TAFA4: variants seen among roughly 807,000 people sequenced by gnomAD.
TAFA4 encodes TAFA chemokine like family member 4.
In TAFA4, 20 loss-of-function variants were observed where a neutral mutation model predicts 21.1. That is an observed-to-expected ratio of 0.95 (90% CI 0.67 to 1.38). The LOEUF is 1.38. Among genes scored for constraint, TAFA4 ranks in the 40% most tolerant of loss-of-function variants. The pLI is 0.00. For missense variants in TAFA4, 211 were observed against 180.9 expected, an observed-to-expected ratio of 1.17 and a Z score of -0.95; for synonymous variants, 71 against 67.4, an observed-to-expected ratio of 1.05 and a Z score of -0.26.
intron 3 of TAFA4, among the ~76,000 whole-genome samples, chr3:68,820,341 T>C (rs1704085225): frequency 6.6e-6 from 1 of 152,186 alleles, no homozygotes. Flanking sequence ...AGTGATCTAC[T>C]GCACATCATG....
intron 4 of TAFA4, among the ~76,000 whole-genome samples, chr3:68,748,082 A>G (rs1702492035): frequency 6.6e-6 from 1 of 152,164 alleles, no homozygotes; most frequent in African/African-American, 2.4e-5. Context: ...TGAGTCCTTC[A>G]TTAATAAAAC....
intron 3 of TAFA4, among the ~76,000 whole-genome samples, chr3:68,819,398 T>C (rs974893315): frequency 1.5e-4 from 23 of 152,138 alleles, no homozygotes; most frequent in Non-Finnish European, 2.9e-5. Context: ...AGTATTATGT[T>C]GAGTGAAAGC....
intron 3 of TAFA4, among the ~76,000 whole-genome samples, chr3:68,847,561 C>T (rs1042504810): frequency 6.6e-6 from 1 of 152,184 alleles, no homozygotes; most frequent in Non-Finnish European, 1.5e-5. Context: ...TGGAAAAAAC[C>T]TCCTGCAGTT....
At chr3:68,793,372 C>G (rs1703398767) in intron 3 of TAFA4, among the ~76,000 whole-genome samples, 1 of 152,210 alleles carries the variant, frequency 6.6e-6, no homozygotes, top group Admixed American at 6.5e-5. Context: ...ACCCTCCATT[C>G]TAATTGTTTG....
intron 3 of TAFA4, among the ~76,000 whole-genome samples, chr3:68,758,932 G>A (rs1001283236): frequency 1.3e-5 from 2 of 152,210 alleles, no homozygotes; most frequent in Non-Finnish European, 2.9e-5. Context: ...ATGCAATTAT[G>A]GTAGTAGGCA....
In TAFA4 at chr3:68,846,004, C is replaced by T. The variant is rs188065631; in HGVS notation, c.130+34726G>A. On this transcript the variant is annotated intron_variant, in intron 3 of 5. Coordinates refer to ENST00000295569, the MANE Select transcript of TAFA4 (RefSeq NM_182522.5). ...GGCAATTACGTGTCTTGGGGTTGGT[C>T]GTCTTGAGGAGTATCTTTGTGGTGT... Among the ~76,000 whole-genome samples the T allele has an allele frequency of 6.1e-4, 93 of 152,122 alleles. 1 individual carries two copies. Among genetic ancestry groups the T allele is most frequent in the African/African-American group, 2.1e-3 (87 of 41,482 alleles).
intron 5 of TAFA4, among the ~76,000 whole-genome samples, chr3:68,738,812 G>A (rs956970766): frequency 3.9e-5 from 6 of 152,026 alleles, no homozygotes; most frequent in Non-Finnish European, 7.4e-5. Context: ...ACTTTAAATC[G>A]GGCTTGTGAA....
chr3:68,918,132 T>TACACACACACACACACACACACAC (rs71618251), intron 1 of TAFA4, among the ~76,000 whole-genome samples: 1 of 148,826 alleles, frequency 6.7e-6, no homozygotes, highest in African/African-American at 2.5e-5. Flanking sequence ...CAGACACACA[T>TACACACACACACACACACACACAC]ACACACACAC....
intron 3 of TAFA4, among the ~76,000 whole-genome samples, chr3:68,754,630 G>A (rs945725190): frequency 2.0e-5 from 3 of 152,022 alleles, no homozygotes; most frequent in African/African-American, 7.3e-5. Context: ...CATTGTAAAG[G>A]TATTATTTTT....
rs929890835 is a variant in TAFA4, at chr3:68,885,891, T to A, written c.-122-581A>T. Among the ~76,000 whole-genome samples the A allele has an allele frequency of 2.0e-5, 3 of 152,166 alleles. 1 individual carries two copies. Among genetic ancestry groups the A allele is most frequent in the Admixed American group, 2.0e-4 (3 of 15,270 alleles). On this transcript the variant is annotated intron_variant, in intron 1 of 5. Coordinates refer to ENST00000295569, the MANE Select transcript of TAFA4 (RefSeq NM_182522.5). ...ACACTTGTGAATACTGTAGTTGACATTCCCTCAACGCATAAACCTAAAAGG... is the reference window on the plus strand; with the variant it reads ...ACACTTGTGAATACTGTAGTTGACAATCCCTCAACGCATAAACCTAAAAGG...
chr3:68,803,111 C>T (rs745843528), intron 3 of TAFA4, among the ~76,000 whole-genome samples: 10 of 149,826 alleles, frequency 6.7e-5, no homozygotes, highest in South Asian at 2.1e-4. Flanking sequence ...AAATTACAAA[C>T]GTAGCTCATT....
chr3:68,825,574 G>A (rs937821144), intron 3 of TAFA4, among the ~76,000 whole-genome samples: 1 of 148,264 alleles, frequency 6.7e-6, no homozygotes, highest in African/African-American at 2.6e-5. Flanking sequence ...TATTTATCCA[G>A]TATTAACCTT....
At chr3:68,930,037 T>C (rs535317520) in intron 1 of TAFA4, among the ~76,000 whole-genome samples, 87 of 152,224 alleles carry the variant, frequency 5.7e-4, no homozygotes, top group African/African-American at 2.0e-3. Context: ...TTATATTAAG[T>C]GTAACAATAA....
chr3:68,879,131 T>C (rs188456765), intron 3 of TAFA4, among the ~76,000 whole-genome samples: 1 of 152,268 alleles, frequency 6.6e-6, no homozygotes, highest in Non-Finnish European at 1.5e-5. Flanking sequence ...GCACTAACCA[T>C]GAAGCCCATG....
chr3:68,750,784 T>C (rs764071421), intron 4 of TAFA4, among the ~76,000 whole-genome samples: 1 of 152,224 alleles, frequency 6.6e-6, no homozygotes, highest in African/African-American at 2.4e-5. Flanking sequence ...AAAGAGTTTG[T>C]TAGAAGACAT....
intron 3 of TAFA4, among the ~76,000 whole-genome samples, chr3:68,773,647 G>C (rs1463185879): frequency 6.6e-6 from 1 of 152,130 alleles, no homozygotes; most frequent in African/African-American, 2.4e-5. Context: ...GCATATCAAA[G>C]ACACTCCTAT....
chr3:68,878,060 C>T (rs933559523), intron 3 of TAFA4, among the ~76,000 whole-genome samples: 11 of 152,118 alleles, frequency 7.2e-5, no homozygotes, highest in African/African-American at 2.7e-4. Flanking sequence ...GACTTTAGAC[C>T]CCCCAACATT....
chr3:68,811,148 C>T (rs1002947592), intron 3 of TAFA4, among the ~76,000 whole-genome samples: 1 of 151,960 alleles, frequency 6.6e-6, no homozygotes, highest in Non-Finnish European at 1.5e-5. Flanking sequence ...ACAGAAAGGA[C>T]ATCCACACCA....
At chr3:68,864,385 C>G (rs1046338411) in intron 3 of TAFA4, among the ~76,000 whole-genome samples, 5 of 152,096 alleles carry the variant, frequency 3.3e-5, no homozygotes, top group African/African-American at 1.2e-4. Context: ...CAAATTAAAT[C>G]TGCAATATGA....
Sources: allele counts gnomAD v4.1 joint callset (sites outside exome capture counted in the v4.1 genomes callset), GRCh38; gene constraint gnomAD v4.1.1; transcripts MANE v1.5; gene names NCBI Gene and HGNC (gene_info 2026-07-23, HGNC 2026-07-21).